Variants in PAX5 observed in about 807,000 individuals in gnomAD.
The protein encoded by PAX5 is paired box 5.
PAX5 carries 9 observed loss-of-function variants against 43.7 expected under a neutral mutation model. The observed-to-expected ratio is 0.21, with a 90% CI of 0.12 to 0.36. The LOEUF is 0.36. PAX5 is among the 10% of genes least tolerant of loss of function. The pLI is 1.00. For missense variants in PAX5, 383 were observed against 532.7 expected (o/e 0.72, Z 2.77); for synonymous variants, 228 against 214.3 (o/e 1.06, Z -0.56).
intron 6 of PAX5, among the ~76,000 whole-genome samples, chr9:36,936,138 G>A (rs890866922): frequency 2.0e-5 from 3 of 152,200 alleles, no homozygotes; most frequent in Admixed American, 6.5e-5. Context: ...TCCCAAATAC[G>A]TGGACAGAAA....
chr9:37,004,390 A>C (rs981753538), intron 4 of PAX5, among the ~76,000 whole-genome samples: 3 of 152,156 alleles, frequency 2.0e-5, no homozygotes, highest in African/African-American at 7.2e-5. Flanking sequence ...TCTCAGACAC[A>C]CTTCCTTGGG....
chr9:36,913,476 C>T (rs763909806), intron 7 of PAX5, among the ~76,000 whole-genome samples: 5 of 152,224 alleles, frequency 3.3e-5, no homozygotes, highest in Admixed American at 1.3e-4. Flanking sequence ...GTGCCCCACC[C>T]GCTGTCCTCT....
At chr9:36,929,027 C>A (rs1830889329) in intron 6 of PAX5, among the ~76,000 whole-genome samples, 1 of 152,198 alleles carries the variant, frequency 6.6e-6, no homozygotes, top group Non-Finnish European at 1.5e-5. Context: ...CAGTGTTCAA[C>A]CACCATAAGC....
In PAX5 at chr9:36,974,380, T is replaced by C. The variant is rs75730901; in HGVS notation, c.605-7656A>G. On this transcript the variant is annotated intron_variant, in intron 5 of 9. Transcript: ENST00000358127. ...TCACCCCGGATAGAGCGCTGTTCAG[T>C]GTCAGGCACTGAGCCAAGTTATTTG... Among the ~76,000 whole-genome samples, 13 of 152,296 alleles carry C rather than the reference T, an allele frequency of 8.5e-5. No homozygotes were observed. In the East Asian group the frequency reaches 2.5e-3, roughly 29 times the overall value.
intron 5 of PAX5, among the ~76,000 whole-genome samples, chr9:36,969,514 A>T (rs181784145): frequency 1.3e-5 from 2 of 152,346 alleles, no homozygotes; most frequent in African/African-American, 4.8e-5. Context: ...ACAGGCCCTC[A>T]AGTGTACACA....
Position 36,946,828 on chromosome 9 carries a change from C to G in PAX5, c.780+19721G>C, listed in dbSNP as rs550308895. The stretch of plus-strand genomic sequence containing the variant: ...CAACCACCAGCAGGCAGGGCCCAAC[C>G]AACTTGGAAAGCCCCATGGCTGCTT... On this transcript the variant is annotated intron_variant, in intron 6 of 9. Transcript: ENST00000358127. 8.1e-4 allele frequency among the ~76,000 whole-genome samples: 124 copies of G among 152,314 alleles called. 1 individual carries two copies. Among genetic ancestry groups the G allele is most frequent in the South Asian group, 6.4e-3 (31 of 4,820 alleles).
At chr9:36,972,100 TG>T (rs1356139955) in intron 5 of PAX5, among the ~76,000 whole-genome samples, 1 of 152,254 alleles carries the variant, frequency 6.6e-6, no homozygotes, top group Non-Finnish European at 1.5e-5. Flanking sequence ...CCTAGCATCA[TG>T]GCTTTTGGGA....
At chr9:36,934,308 G>A (rs1044225697) in intron 6 of PAX5, among the ~76,000 whole-genome samples, 2 of 152,228 alleles carry the variant, frequency 1.3e-5, no homozygotes, top group Non-Finnish European at 2.9e-5. Flanking sequence ...GGCCTTTTGC[G>A]TTTCAGTTTT....
At position 36,970,863 on chromosome 9, in the gene PAX5, C is replaced by T. The variant is rs138628114; in HGVS notation, c.605-4139G>A. On this transcript the variant is annotated intron_variant, in intron 5 of 9. Transcript: ENST00000358127. ...TCCCTTATTTTAGGAACCACATCCCCTGGGCCCTTCACTCCCACACTGTGC... is the reference window on the plus strand; with the variant it reads ...TCCCTTATTTTAGGAACCACATCCCTTGGGCCCTTCACTCCCACACTGTGC... Among the ~76,000 whole-genome samples the T allele has an allele frequency of 8.0e-3, 1,212 of 152,322 alleles. 18 individuals are homozygous for T. Among genetic ancestry groups the T allele is most frequent in the African/African-American group, 0.028 (1,164 of 41,546 alleles).
intron 1 of PAX5, among the ~76,000 whole-genome samples, chr9:37,027,865 C>A (rs1174897441): frequency 6.6e-6 from 1 of 152,256 alleles, no homozygotes; most frequent in East Asian, 1.9e-4. Context: ...TTAGCGGACA[C>A]CTGGGCAATG....
chr9:37,004,132 TC>T (rs1222288245), intron 4 of PAX5, among the ~76,000 whole-genome samples: 3 of 152,216 alleles, frequency 2.0e-5, no homozygotes, highest in Non-Finnish European at 2.9e-5. Context: ...AGTCTAGATT[TC>T]CCCCGCCCAG....
intron 5 of PAX5, among the ~76,000 whole-genome samples, chr9:36,984,868 T>C (rs1260091467): frequency 6.6e-6 from 1 of 152,066 alleles, no homozygotes; most frequent in Non-Finnish European, 1.5e-5. Flanking sequence ...CAGCTGAGGG[T>C]AGAGGGCAAT....
chr9:37,025,711 A>G (rs1368579447), intron 1 of PAX5, among the ~76,000 whole-genome samples: 1 of 152,214 alleles, frequency 6.6e-6, no homozygotes, highest in Non-Finnish European at 1.5e-5. Context: ...CCTGCGGGCC[A>G]GGCAGCCAGG....
At chr9:37,016,892 T>C (rs1056662872) in intron 2 of PAX5, among the ~76,000 whole-genome samples, 6 of 152,214 alleles carry the variant, frequency 3.9e-5, no homozygotes, top group Admixed American at 2.6e-4. Flanking sequence ...TGAAATACTT[T>C]GGAAGCAGTG....
In PAX5 at chr9:36,835,494, C is replaced by T. The variant is rs879893650; in HGVS notation, c.*5066G>A. On this transcript the variant is annotated 3_prime_UTR_variant, in exon 10 of 10. Coordinates refer to ENST00000358127, the MANE Select transcript of PAX5 (RefSeq NM_016734.3). ...GCCGAGCTGACAGTGGGGAAGTACACATCAGCACTGTGGTTCCCCCATGAA... is the reference window on the plus strand; with the variant it reads ...GCCGAGCTGACAGTGGGGAAGTACATATCAGCACTGTGGTTCCCCCATGAA... The T allele has an allele frequency of 4.7e-5, 11 of 232,912 alleles. No homozygotes were observed. Among genetic ancestry groups the T allele is most frequent in the Non-Finnish European group, 6.8e-5 (8 of 117,916 alleles). 14.4% of individuals were successfully genotyped at this position (232,912 alleles called of 1,614,324 possible).
chr9:36,896,395 G>T (rs12551935), intron 7 of PAX5, among the ~76,000 whole-genome samples: 8,918 of 151,918 alleles, frequency 0.059, 310 homozygotes, highest in East Asian at 0.097. Context: ...AAACCAAGCA[G>T]CAAGGAGGCC....
chr9:36,842,849 T>C (rs6476584), intron 9 of PAX5, among the ~76,000 whole-genome samples: 139,450 of 152,166 alleles, frequency 0.92, 64,409 homozygotes, highest in East Asian at 1. Context: ...TGAGGGACAT[T>C]CTCCCGAGAA....
chr9:36,883,434 C>T (rs1826626422), intron 7 of PAX5, among the ~76,000 whole-genome samples: 1 of 152,144 alleles, frequency 6.6e-6, no homozygotes, highest in Non-Finnish European at 1.5e-5. Flanking sequence ...GTAATCTCAG[C>T]ACTTTGAAAG....
chr9:36,847,376 C>A (rs148410233), intron 8 of PAX5, among the ~76,000 whole-genome samples: 1 of 152,214 alleles, frequency 6.6e-6, no homozygotes, highest in South Asian at 2.1e-4. Flanking sequence ...CAGTTCTACC[C>A]CCCACCTGCT....
Sources: allele counts gnomAD v4.1 joint callset (sites outside exome capture counted in the v4.1 genomes callset), GRCh38; gene constraint gnomAD v4.1.1; transcripts MANE v1.5; gene names NCBI Gene and HGNC (gene_info 2026-07-23, HGNC 2026-07-21).